The following LRIG1 variants were observed in gnomAD, a reference collection of about 807,000 sequenced individuals.
The protein encoded by LRIG1 is leucine-rich repeats and immunoglobulin-like domains protein 1.
Under a neutral mutation model 99.2 loss-of-function variants are expected in LRIG1, and 48 were observed. The ratio of observed to expected loss-of-function variants is 0.48; its 90% CI spans 0.38 to 0.62. The LOEUF is 0.62. Among genes scored for constraint, LRIG1 ranks in the 20% least tolerant of loss-of-function variants. The pLI, the probability that LRIG1 is intolerant of heterozygous loss-of-function variation, is 0.00. For synonymous variants in LRIG1, 772 were observed against 596.1 expected (o/e 1.29, Z -4.30); for missense variants, 1,646 against 1,434.4 (o/e 1.15, Z -2.38).
At chr3:66,431,960 C>T (rs560277807) in intron 3 of LRIG1, among the ~76,000 whole-genome samples, 6 of 152,308 alleles carry the variant, frequency 3.9e-5, no homozygotes, top group Non-Finnish European at 7.4e-5. Context: ...TCTCACAGTA[C>T]GATGATAATG....
chr3:66,395,128 A>G (rs888615390), intron 11 of LRIG1, among the ~76,000 whole-genome samples: 1 of 152,222 alleles, frequency 6.6e-6, no homozygotes, highest in African/African-American at 2.4e-5. Context: ...GCTGTGAGCT[A>G]AAGAATGATG....
chr3:66,455,511 T>G (rs1700191613), intron 2 of LRIG1, among the ~76,000 whole-genome samples: 1 of 152,244 alleles, frequency 6.6e-6, no homozygotes, highest in Non-Finnish European at 1.5e-5. Flanking sequence ...CACTATTCGT[T>G]TAACTGGTGG....
At chr3:66,468,809 T>G (rs999511935) in intron 1 of LRIG1, among the ~76,000 whole-genome samples, 4 of 152,238 alleles carry the variant, frequency 2.6e-5, no homozygotes, top group African/African-American at 9.6e-5. Flanking sequence ...CAACAATGTT[T>G]AAGTTATTTA....
intron 3 of LRIG1, among the ~76,000 whole-genome samples, chr3:66,430,573 C>G (rs1009685755): frequency 6.6e-6 from 1 of 152,198 alleles, no homozygotes; most frequent in Non-Finnish European, 1.5e-5. Context: ...GGAAGCTGTA[C>G]AAGCCACATA....
Position 66,382,411 on chromosome 3 carries a change from A to C in LRIG1, c.2492-13T>G. Reference sequence around the variant, plus strand: ...ACGACGGTTTCATCTGCAAGGAGACAGAACAAATAGAACACCAGGGTCTCA... The same window carrying C: ...ACGACGGTTTCATCTGCAAGGAGACCGAACAAATAGAACACCAGGGTCTCA... On this transcript the variant is annotated splice_polypyrimidine_tract_variant and intron_variant, in intron 15 of 18. Coordinates refer to ENST00000273261, the MANE Select transcript of LRIG1 (RefSeq NM_015541.3). 6.2e-7 allele frequency: 1 copy of C among 1,614,174 alleles called. No homozygotes were observed. Among genetic ancestry groups the C allele is most frequent in the Non-Finnish European group, 8.5e-7 (1 of 1,179,984 alleles).
Position 66,417,139 on chromosome 3 carries a change from T to C in LRIG1, c.493A>G (p.Ile165Val), listed in dbSNP as rs948885163. ...AACAGAGGCACTTACAGCTCCTTTA[T>C]AGGCGGTCCGTGTGGAAAGCAGGTG... ...RNTCFPHGPPIKELNLAGNRI... is the reference protein window; with the variant it reads ...RNTCFPHGPPVKELNLAGNRI... The change falls in exon 4 of 19, where the codon ATA becomes GTA. Residue 165 changes from isoleucine to valine, a missense_variant. Physicochemically the swap from Ile to Val is conservative, Grantham distance 29 (BLOSUM62 3). Coordinates refer to ENST00000273261, the MANE Select transcript of LRIG1 (RefSeq NM_015541.3). The C allele has an allele frequency of 7.4e-6, 12 of 1,614,038 alleles. No homozygotes were observed. The highest frequency in any genetic ancestry group is 4.0e-5 in the African/African-American group (3 of 74,934).
At chr3:66,471,852 C>T (rs1048488266) in intron 1 of LRIG1, among the ~76,000 whole-genome samples, 2 of 152,158 alleles carry the variant, frequency 1.3e-5, no homozygotes, top group Non-Finnish European at 2.9e-5. Flanking sequence ...TCTCTGGTCA[C>T]GGATTACTGT....
At chr3:66,489,972 G>C (rs942932603) in intron 1 of LRIG1, among the ~76,000 whole-genome samples, 2 of 152,044 alleles carry the variant, frequency 1.3e-5, no homozygotes, top group South Asian at 4.1e-4. Flanking sequence ...TGAGCACCAC[G>C]ACTTCACATA....
At chr3:66,447,973 G>C (rs1703781878) in intron 3 of LRIG1, among the ~76,000 whole-genome samples, 1 of 152,134 alleles carries the variant, frequency 6.6e-6, no homozygotes, top group South Asian at 2.1e-4. Flanking sequence ...CTTTTTCTCG[G>C]CACTATTTTA....
At chr3:66,474,878 T>TAA (rs1263162077) in intron 1 of LRIG1, among the ~76,000 whole-genome samples, 2 of 152,154 alleles carry the variant, frequency 1.3e-5, no homozygotes, top group Non-Finnish European at 2.9e-5. Context: ...CAAAGGTGGT[T>TAA]AAGAGCCTTG....
At position 66,398,923 on chromosome 3, in the gene LRIG1, C is replaced by T. The variant is rs201908378; in HGVS notation, c.1232+47G>A. 1.1e-3 allele frequency: 1,711 copies of T among 1,532,272 alleles called. 1 individual carries two copies. The highest frequency in any genetic ancestry group is 1.4e-3 in the Non-Finnish European group (1,598 of 1,107,188). The allele number at this position is 1,532,272 out of a possible 1,614,324, so 94.9% of individuals were successfully genotyped here. On this transcript the variant is annotated intron_variant, in intron 10 of 18. Transcript: ENST00000273261. Reference sequence around the variant, plus strand: ...ATTGCTAGCAGAACTCCCCGGCAGCCGCATTCAGCAGGCTGTGCCTCAGGG... The same window carrying T: ...ATTGCTAGCAGAACTCCCCGGCAGCTGCATTCAGCAGGCTGTGCCTCAGGG...
chr3:66,437,783 T>C (rs918273433), intron 3 of LRIG1, among the ~76,000 whole-genome samples: 4 of 152,016 alleles, frequency 2.6e-5, no homozygotes, highest in South Asian at 2.1e-4. Context: ...AGGGATGTCA[T>C]AGGTGCAGTG....
rs1306162466 is a variant in LRIG1, at chr3:66,382,208, G to A, written c.2617+65C>T. 18 of 1,596,546 alleles carry A rather than the reference G, an allele frequency of 1.1e-5. No individual in the cohort carries two copies. In the East Asian group the frequency reaches 3.8e-4, roughly 34 times the overall value. On this transcript the variant is annotated intron_variant, in intron 16 of 18. Transcript: ENST00000273261. ...GTACCTGCCCTGTAAAGACCTGGAG[G>A]CCACCTCCAGCACCCAGAGACACAG... is the stretch of plus-strand genomic sequence containing the variant.
In LRIG1 at chr3:66,407,621, G is replaced by A. The variant is rs76542439; in HGVS notation, c.936-130C>T. ...CACAGATGCACACGCACGCGCGTGC[G>A]TGCACACACACACCCACACCCACAG... is the stretch of plus-strand genomic sequence containing the variant. On this transcript the variant is annotated intron_variant, in intron 7 of 18. Transcript: ENST00000273261. 5.5e-4 allele frequency: 506 copies of A among 925,016 alleles called. No individual in the cohort carries two copies. The East Asian group carries it at 0.012, about 22-fold the overall frequency. The allele number at this position is 925,016 out of a possible 1,614,324, so 57.3% of individuals were successfully genotyped here. A position where few individuals can be genotyped will look rare whatever the true frequency, so the allele number is the denominator to read the frequency against.
intron 1 of LRIG1, among the ~76,000 whole-genome samples, chr3:66,477,218 TCTTA>T (rs1412373406): frequency 2.4e-4 from 24 of 100,716 alleles, no homozygotes; most frequent in Non-Finnish European, 6.6e-5. Flanking sequence ...CTGTTCTTGC[TCTTA>T]CTTAACAGCT....
rs1217436522 is a variant in LRIG1 at position 66,380,120 on chromosome 3, C to G, written c.*143G>C. On this transcript the variant is annotated 3_prime_UTR_variant, in exon 19 of 19. Transcript: ENST00000273261. ...TCTTGCGTTTACTGTGCTTCAGATC[C>G]AAGTCCTGTGAGCGACTGATACTCC... is the stretch of plus-strand genomic sequence containing the variant. 3 of 654,354 alleles carry G rather than the reference C, an allele frequency of 4.6e-6. No individual in the cohort carries two copies. Among genetic ancestry groups the G allele is most frequent in the South Asian group, 2.2e-5 (1 of 45,260 alleles). The allele number at this position is 654,354 out of a possible 1,614,324, so 40.5% of individuals were successfully genotyped here.
At chr3:66,421,758 G>A (rs1302567657) in intron 3 of LRIG1, among the ~76,000 whole-genome samples, 4 of 152,216 alleles carry the variant, frequency 2.6e-5, no homozygotes, top group Non-Finnish European at 5.9e-5. Flanking sequence ...TGCCCTAGCA[G>A]ACATTCTTCA....
intron 2 of LRIG1, among the ~76,000 whole-genome samples, chr3:66,458,654 G>A (rs1269990722): frequency 6.6e-6 from 1 of 152,068 alleles, no homozygotes; most frequent in Middle Eastern, 3.4e-3. Flanking sequence ...ATGAGCTGAG[G>A]TCACGCCACT....
intron 1 of LRIG1, among the ~76,000 whole-genome samples, chr3:66,476,805 C>A (rs1338654846): frequency 6.6e-6 from 1 of 152,234 alleles, no homozygotes; most frequent in Non-Finnish European, 1.5e-5. Context: ...TTCTTCCCAA[C>A]TACACTGGTA....
Sources: allele counts gnomAD v4.1 joint callset (sites outside exome capture counted in the v4.1 genomes callset), GRCh38; gene constraint gnomAD v4.1.1; transcripts MANE v1.5; gene names NCBI Gene and HGNC (gene_info 2026-07-23, HGNC 2026-07-21).